The following SHMT1 variants were observed in gnomAD, a reference collection of about 807,000 sequenced individuals.
SHMT1 encodes serine hydroxymethyltransferase, cytosolic.
A neutral mutation model predicts 49.0 loss-of-function variants in SHMT1; 45 were observed. The observed-to-expected ratio is 0.92, with a 90% CI of 0.72 to 1.18. SHMT1 has a LOEUF of 1.18. Ranked by LOEUF, SHMT1 falls within the 50% of genes most tolerant of loss-of-function variation. The probability of loss-of-function intolerance (pLI) is 0.00; values close to 1 mark genes in which losing one functional copy is unlikely to be tolerated. For missense variants in SHMT1, 541 were observed against 612.4 expected (o/e 0.88, Z 1.23); for synonymous variants, 232 against 246.6 (o/e 0.94, Z 0.55).
rs556753113 is a variant in SHMT1 at position 18,347,363 on chromosome 17, G to C, written c.519+133C>G. 9 of 1,081,696 alleles carry C rather than the reference G, an allele frequency of 8.3e-6. No individual in the cohort carries two copies. In the South Asian group the frequency reaches 1.1e-4, roughly 14 times the overall value. 67.0% of individuals were successfully genotyped at this position (1,081,696 alleles called of 1,614,324 possible). ...CCTGAAAACCTGAGGAGTCCCCGCT[G>C]CAAGGAAATTAAAAACGGTGCGAGG... On this transcript the variant is annotated intron_variant, in intron 5 of 11. Coordinates refer to ENST00000316694, the MANE Select transcript of SHMT1 (RefSeq NM_004169.5).
rs771279162 is a variant in SHMT1, at chr17:18,340,890, C to T, written c.520-77G>A. On this transcript the variant is annotated intron_variant, in intron 5 of 11. Coordinates refer to ENST00000316694, the MANE Select transcript of SHMT1 (RefSeq NM_004169.5). The surrounding 1 kb of genome is among the most constrained non-coding windows in gnomAD (Gnocchi z 4.5). ...CCTCCTGTCCTCCCACTTGAACTGGCTCCACCCACCATGACAAGAGGAATG... is the reference window on the plus strand; with the variant it reads ...CCTCCTGTCCTCCCACTTGAACTGGTTCCACCCACCATGACAAGAGGAATG... 1.0e-6 allele frequency: 1 copy of T among 988,924 alleles called. No individual in the cohort carries two copies. The highest frequency in any genetic ancestry group is 2.6e-5 in the East Asian group (1 of 38,478). The allele number at this position is 988,924 out of a possible 1,614,324, so 61.3% of individuals were successfully genotyped here. A position where few individuals can be genotyped will look rare whatever the true frequency, so the allele number is the denominator to read the frequency against.
intron 1 of SHMT1, among the ~76,000 whole-genome samples, chr17:18,357,092 C>A (rs1986306177): frequency 6.6e-6 from 1 of 151,924 alleles, no homozygotes; most frequent in East Asian, 1.9e-4. Flanking sequence ...CCATCCTGGC[C>A]AACCTGGTGA....
chr17:18,356,040 A>C (rs1484171924), intron 1 of SHMT1, 40 bp from the exon 2 acceptor site: 2 of 938,980 alleles, frequency 2.1e-6, no homozygotes, highest in African/African-American at 3.3e-5. Context: ...TCCAGAATTA[A>C]ATTTATTTAT....
chr17:18,351,207 C>G (rs1985660807), intron 3 of SHMT1, among the ~76,000 whole-genome samples: 1 of 151,910 alleles, frequency 6.6e-6, no homozygotes, highest in Non-Finnish European at 1.5e-5. Flanking sequence ...GTGGCGCGAT[C>G]TCGGCTCACT....
At chr17:18,333,008 G>A in intron 9 of SHMT1, 158 bp downstream of exon 9, 2 of 887,836 alleles carry the variant, frequency 2.3e-6, no homozygotes, top group Non-Finnish European at 3.6e-6. Context: ...GCAGGGGGAG[G>A]CTTTCCAGTT....
chr17:18,355,918 G>T lies in SHMT1; in HGVS notation c.64C>A (p.Leu22Met). The change falls in exon 2 of 12, where the codon CTG becomes ATG. Residue 22 changes from leucine to methionine, a missense_variant. Physicochemically the swap from Leu to Met is conservative, Grantham distance 15 (BLOSUM62 2). Coordinates refer to ENST00000316694, the MANE Select transcript of SHMT1 (RefSeq NM_004169.5). ...TCACTGTCTTTGAGGGGTTGTGCCA[G>T]CATCTTGTCATGTGAGGACCACAGG... ...ADLWSSHDKM[L>M]AQPLKDSDVE... 1 of 1,613,960 alleles carries T rather than the reference G, an allele frequency of 6.2e-7. No homozygotes were observed. The highest frequency in any genetic ancestry group is 8.5e-7 in the Non-Finnish European group (1 of 1,179,892).
chr17:18,331,471 G>A (rs571462768), intron 9 of SHMT1: 2 of 155,900 alleles, frequency 1.3e-5, no homozygotes, highest in African/African-American at 4.8e-5. Flanking sequence ...TGAAGTTTAA[G>A]TAAGATACTG....
chr17:18,333,751 T>C lies in SHMT1; in HGVS notation c.932-463A>G, dbSNP rs1057250207. On this transcript the variant is annotated intron_variant, in intron 8 of 11. Transcript: ENST00000316694. ...TCCCCAAGTGCTGGGATTACAGGCATGAGCACCATGCCCAGCTAAAAAAAT... is the reference window on the plus strand; with the variant it reads ...TCCCCAAGTGCTGGGATTACAGGCACGAGCACCATGCCCAGCTAAAAAAAT... 4.6e-5 allele frequency among the ~76,000 whole-genome samples: 7 copies of C among 151,994 alleles called. No individual in the cohort carries two copies. The South Asian group carries it at 1.5e-3, about 32-fold the overall frequency.
chr17:18,333,076 G>T, intron 9 of SHMT1, 90 bp downstream of exon 9: 1 of 1,508,070 alleles, frequency 6.6e-7, no homozygotes, highest in Non-Finnish European at 9.2e-7. Flanking sequence ...CAGCAGCAGA[G>T]CCTGGGCCAC....
chr17:18,337,386 T>C (rs1020554746), intron 7 of SHMT1, among the ~76,000 whole-genome samples: 45 of 152,192 alleles, frequency 3.0e-4, no homozygotes, highest in Non-Finnish European at 4.3e-4. Context: ...AATGGCTACC[T>C]GCCTCAGAAA....
intron 1 of SHMT1, among the ~76,000 whole-genome samples, chr17:18,359,045 T>C (rs974738983): frequency 1.3e-5 from 2 of 150,734 alleles, no homozygotes; most frequent in African/African-American, 4.9e-5. Flanking sequence ...CATGAGGTCA[T>C]AAGTTCGAGA....
In SHMT1 at chr17:18,328,640, C is replaced by G. The variant is rs756615430; in HGVS notation, c.*110G>C. 9.0e-6 allele frequency: 11 copies of G among 1,220,944 alleles called. No individual in the cohort carries two copies. The Admixed American group carries it at 1.0e-4, about 11-fold the overall frequency. The allele number at this position is 1,220,944 out of a possible 1,614,324, so 75.6% of individuals were successfully genotyped here. A position where few individuals can be genotyped will look rare whatever the true frequency, so the allele number is the denominator to read the frequency against. Reference sequence around the variant, plus strand: ...CCAAAAGAAACCCCCTCAAAGGGCCCGAGTGTCAACAGTTCCCCTTTGGAG... The same window carrying G: ...CCAAAAGAAACCCCCTCAAAGGGCCGGAGTGTCAACAGTTCCCCTTTGGAG... On this transcript the variant is annotated 3_prime_UTR_variant, in exon 12 of 12. Coordinates refer to ENST00000316694, the MANE Select transcript of SHMT1 (RefSeq NM_004169.5).
At chr17:18,330,086 A>G (rs189876339) in intron 10 of SHMT1, among the ~76,000 whole-genome samples, 1 of 149,326 alleles carries the variant, frequency 6.7e-6, no homozygotes, top group Non-Finnish European at 1.5e-5. Context: ...TGATCCACCC[A>G]CCTCGGCCTC....
chr17:18,340,462 GC>G lies in SHMT1; in HGVS notation c.602-208del. The G allele has an allele frequency of 1.5e-6, 1 of 679,102 alleles. No individual in the cohort carries two copies. Among genetic ancestry groups the G allele is most frequent in the Middle Eastern group, 3.8e-4 (1 of 2,648 alleles). The allele number at this position is 679,102 out of a possible 1,614,324, so 42.1% of individuals were successfully genotyped here. A position where few individuals can be genotyped will look rare whatever the true frequency, so the allele number is the denominator to read the frequency against. ...CTTCAACGTCTTGGTGGTTGAGATG[GC>G]CCCAACTACTATTGCCAGCGCAGTC... is the stretch of plus-strand genomic sequence containing the variant. On this transcript the variant is annotated intron_variant, in intron 6 of 11. Coordinates refer to ENST00000316694, the MANE Select transcript of SHMT1 (RefSeq NM_004169.5). The surrounding 1 kb of genome is among the most constrained non-coding windows in gnomAD (Gnocchi z 4.5).
intron 3 of SHMT1, among the ~76,000 whole-genome samples, chr17:18,353,052 T>C (rs768659944): frequency 6.6e-6 from 1 of 152,196 alleles, no homozygotes; most frequent in Non-Finnish European, 1.5e-5. Flanking sequence ...CAGGACAGAA[T>C]GGCAATTCCT....
At chr17:18,347,762 C>T (rs773047302) in intron 4 of SHMT1, 106 bp from the exon 5 acceptor site, 6 of 1,235,486 alleles carry the variant, frequency 4.9e-6, no homozygotes, top group East Asian at 2.4e-5. Context: ...CGAGAACAGG[C>T]CTTGTACCTT....
intron 7 of SHMT1, among the ~76,000 whole-genome samples, chr17:18,336,920 T>G (rs1263446851): frequency 1.3e-5 from 2 of 152,194 alleles, no homozygotes; most frequent in African/African-American, 2.4e-5. Context: ...CACTGCAGCC[T>G]GAGTGACAGA....
rs778650524 is a variant in SHMT1 at position 18,355,369 on chromosome 17, C to CAAA, written c.96+514_96+516dup. ...TGGGCGACAGAGCAAGACTCTGTCT[C>CAAA]AAAAAAAAAAAAAAAAAAAAATTAG... On this transcript the variant is annotated intron_variant, in intron 2 of 11. Transcript: ENST00000316694. 4.1e-3 allele frequency among the ~76,000 whole-genome samples: 260 copies of CAAA among 62,714 alleles called. 3 individuals carry two copies. The highest frequency in any genetic ancestry group is 0.015 in the African/African-American group (244 of 16,440). 41.1% of individuals were successfully genotyped at this position (62,714 alleles called of 152,430 possible).
In SHMT1 at chr17:18,328,691, G is replaced by A; in HGVS notation, c.*59C>T. ...CAGCTCATCCATCTCTCAGGTGGGG[G>A]TCCTCCGGCAGGCAGCTTCCTCTGT... On this transcript the variant is annotated 3_prime_UTR_variant, in exon 12 of 12. Coordinates refer to ENST00000316694, the MANE Select transcript of SHMT1 (RefSeq NM_004169.5). 2 of 1,537,614 alleles carry A rather than the reference G, an allele frequency of 1.3e-6. No individual in the cohort carries two copies. The highest frequency in any genetic ancestry group is 1.2e-5 in the South Asian group (1 of 83,878).
Sources: gnomAD v4.1 joint callset for allele counts (sites outside exome capture counted in the v4.1 genomes callset) on GRCh38, gnomAD v4.1.1 for gene constraint, Gnocchi (gnomAD v3.1) non-coding constraint, MANE v1.5 for transcripts, NCBI Gene and HGNC (gene_info 2026-07-23, HGNC 2026-07-21) for gene names.